Variants in KIAA1549L observed in about 807,000 individuals in gnomAD.
KIAA1549L encodes the protein KIAA1549 like.
A neutral mutation model predicts 160.7 loss-of-function variants in KIAA1549L; 88 were observed. That is an observed-to-expected ratio of 0.55 (90% confidence interval 0.46 to 0.65). The LOEUF is 0.65. KIAA1549L is among the 30% of genes least tolerant of loss of function. The pLI, the probability that KIAA1549L is intolerant of heterozygous loss-of-function variation, is 0.00. For missense variants in KIAA1549L, 2,258 were observed against 2,437.5 expected (o/e 0.93, Z 1.55); for synonymous variants, 950 against 976.7 (o/e 0.97, Z 0.51).
intron 1 of KIAA1549L, among the ~76,000 whole-genome samples, chr11:33,402,728 C>A (rs1023038890): frequency 6.6e-6 from 1 of 152,162 alleles, no homozygotes; most frequent in African/African-American, 2.4e-5. Flanking sequence ...TGAATTCCCC[C>A]GTGGGAGCAG....
intron 1 of KIAA1549L, among the ~76,000 whole-genome samples, chr11:33,533,333 G>A (rs546808381): frequency 6.6e-6 from 1 of 152,200 alleles, no homozygotes; most frequent in African/African-American, 2.4e-5. Flanking sequence ...TTCCTGAGAT[G>A]TGGGGAGTCT....
chr11:33,457,124 T>C (rs1851842504), intron 1 of KIAA1549L, among the ~76,000 whole-genome samples: 1 of 152,058 alleles, frequency 6.6e-6, no homozygotes, highest in South Asian at 2.1e-4. Flanking sequence ...GAGGTCCCCA[T>C]AGTGGAAGCT....
chr11:33,561,839 C>A, intron 8 of KIAA1549L, 104 bp downstream of exon 8: 1 of 829,696 alleles, frequency 1.2e-6, no homozygotes, highest in East Asian at 2.5e-5. Context: ...TTCTTTGCTC[C>A]TGTCTTATAA....
chr11:33,613,399 C>T (rs1850698094), intron 15 of KIAA1549L, among the ~76,000 whole-genome samples: 1 of 152,172 alleles, frequency 6.6e-6, no homozygotes, highest in South Asian at 2.1e-4. Flanking sequence ...ACATGTATAT[C>T]TTCTTTTGAA....
intron 10 of KIAA1549L, among the ~76,000 whole-genome samples, chr11:33,575,773 G>A (rs771616033): frequency 2.6e-5 from 4 of 152,182 alleles, no homozygotes; most frequent in Non-Finnish European, 4.4e-5. Context: ...TGAAAAATGA[G>A]TTCAGATTGC....
chr11:33,442,202 G>A (rs1201925168), intron 1 of KIAA1549L, among the ~76,000 whole-genome samples: 2 of 152,096 alleles, frequency 1.3e-5, no homozygotes, highest in African/African-American at 4.8e-5. Context: ...TCTTGTTTTT[G>A]TCAGGTTTGT....
Position 33,489,221 on chromosome 11 carries a change from G to A in KIAA1549L, c.239-52581G>A, listed in dbSNP as rs189117740. On this transcript the variant is annotated intron_variant, in intron 1 of 20. Coordinates refer to ENST00000658780, the MANE Select transcript of KIAA1549L (RefSeq NM_012194.3). Reference sequence around the variant, plus strand: ...GAGGCTGAAAGTCCAAGATCAGGGTGCCAGCAGGATTGGTTTCTGGTAAGG... The same window carrying A: ...GAGGCTGAAAGTCCAAGATCAGGGTACCAGCAGGATTGGTTTCTGGTAAGG... Among the ~76,000 whole-genome samples the A allele has an allele frequency of 9.2e-4, 140 of 152,272 alleles. 1 individual carries two copies. The highest frequency in any genetic ancestry group is 1.4e-3 in the Non-Finnish European group (96 of 68,024).
At chr11:33,531,719 C>T (rs111237238) in intron 1 of KIAA1549L, among the ~76,000 whole-genome samples, 2 of 152,194 alleles carry the variant, frequency 1.3e-5, no homozygotes, top group South Asian at 2.1e-4. Context: ...AGAGGAATCA[C>T]GTTAGGCAAG....
intron 10 of KIAA1549L, among the ~76,000 whole-genome samples, chr11:33,582,569 T>C (rs764560429): frequency 6.6e-6 from 1 of 152,244 alleles, no homozygotes; most frequent in African/African-American, 2.4e-5. Context: ...TACTTTTTCC[T>C]GTCTCAAGTA....
At chr11:33,400,307 A>G (rs1216290941) in intron 1 of KIAA1549L, among the ~76,000 whole-genome samples, 1 of 152,232 alleles carries the variant, frequency 6.6e-6, no homozygotes, top group African/African-American at 2.4e-5. Flanking sequence ...TAGCTAATTG[A>G]ATATGAAAGC....
intron 1 of KIAA1549L, among the ~76,000 whole-genome samples, chr11:33,399,691 T>A (rs531338392): frequency 6.6e-6 from 1 of 152,378 alleles, no homozygotes; most frequent in Non-Finnish European, 1.5e-5. Context: ...CTTTGCACGC[T>A]GACTGATGAT....
chr11:33,380,617 C>T (rs776445598), intron 1 of KIAA1549L, among the ~76,000 whole-genome samples: 16 of 152,012 alleles, frequency 1.1e-4, no homozygotes, highest in Admixed American at 5.2e-4. Flanking sequence ...GATCTAATAT[C>T]GTCAGTGGGG....
rs532739709 is a variant in KIAA1549L at position 33,649,022 on chromosome 11, G to A, written c.5760+2986G>A. Among the ~76,000 whole-genome samples the A allele has an allele frequency of 2.4e-4, 36 of 152,266 alleles. 1 individual carries two copies. Among genetic ancestry groups the A allele is most frequent in the African/African-American group, 8.7e-4 (36 of 41,534 alleles). Reference sequence around the variant, plus strand: ...ATTATTATCCCAAAGTACTCAGTGAGGAAACTGAAGCTTGGAGAAGTAAAG... The same window carrying A: ...ATTATTATCCCAAAGTACTCAGTGAAGAAACTGAAGCTTGGAGAAGTAAAG... On this transcript the variant is annotated intron_variant, in intron 17 of 20. Coordinates refer to ENST00000658780, the MANE Select transcript of KIAA1549L (RefSeq NM_012194.3).
chr11:33,382,347 G>A (rs1850088685), intron 1 of KIAA1549L, among the ~76,000 whole-genome samples: 1 of 152,150 alleles, frequency 6.6e-6, no homozygotes, highest in Non-Finnish European at 1.5e-5. Flanking sequence ...AGTTAGATAG[G>A]CACTAGCAAT....
At chr11:33,649,339 G>C (rs1399564557) in intron 17 of KIAA1549L, among the ~76,000 whole-genome samples, 3 of 132,782 alleles carry the variant, frequency 2.3e-5, no homozygotes, top group African/African-American at 3.3e-5. Flanking sequence ...CTGTCTCTAC[G>C]GGGGAAAAAA....
intron 16 of KIAA1549L, among the ~76,000 whole-genome samples, chr11:33,637,349 G>A (rs1205955219): frequency 1.3e-5 from 2 of 152,094 alleles, no homozygotes; most frequent in Non-Finnish European, 2.9e-5. Context: ...CTTCCTAACC[G>A]GCCTCCCATA....
chr11:33,442,492 A>G (rs1443455929), intron 1 of KIAA1549L, among the ~76,000 whole-genome samples: 1 of 151,872 alleles, frequency 6.6e-6, no homozygotes, highest in Non-Finnish European at 1.5e-5. Flanking sequence ...TTTTCTCTCA[A>G]CTCTTTGAAG....
At chr11:33,425,841 G>C (rs1029796150) in intron 1 of KIAA1549L, among the ~76,000 whole-genome samples, 8 of 152,166 alleles carry the variant, frequency 5.3e-5, no homozygotes, top group Admixed American at 1.3e-4. Context: ...CAGAGCAAAA[G>C]GCAAAACATC....
intron 1 of KIAA1549L, among the ~76,000 whole-genome samples, chr11:33,526,022 C>T (rs773013607): frequency 3.7e-4 from 57 of 152,264 alleles, no homozygotes; most frequent in Non-Finnish European, 6.5e-4. Flanking sequence ...ACCCCAGCCC[C>T]ACCTGATGGT....
Sources: allele counts gnomAD v4.1 joint callset (sites outside exome capture counted in the v4.1 genomes callset), GRCh38; gene constraint gnomAD v4.1.1; transcripts MANE v1.5; gene names NCBI Gene and HGNC (gene_info 2026-07-23, HGNC 2026-07-21).